The following ABCA9 variants were observed in gnomAD, a reference collection of about 807,000 sequenced individuals.
ABCA9 encodes ATP binding cassette subfamily A member 9.
ABCA9 carries 183 observed loss-of-function variants against 205.3 expected under a neutral mutation model. The ratio of observed to expected loss-of-function variants is 0.89; its 90% CI spans 0.79 to 1.01. The LOEUF (loss-of-function observed/expected upper bound fraction) is 1.01, where lower values mean the gene tolerates loss of function less well. Ranked by LOEUF, ABCA9 falls within the 50% of genes least tolerant of loss-of-function variation. ABCA9 has a pLI of 0.00. For synonymous variants in ABCA9, 651 were observed against 683.3 expected (o/e 0.95, Z 0.74); for missense variants, 1,805 against 1,912.4 (o/e 0.94, Z 1.05).
intron 37 of ABCA9, among the ~76,000 whole-genome samples, chr17:68,981,305 T>C (rs1162094634): frequency 6.6e-6 from 1 of 151,150 alleles, no homozygotes; most frequent in African/African-American, 2.4e-5. Flanking sequence ...TCAGCACAAA[T>C]AAATGTTAAG....
chr17:69,013,430 G>GTAGA (rs1461553059), intron 22 of ABCA9, among the ~76,000 whole-genome samples: 1 of 151,976 alleles, frequency 6.6e-6, no homozygotes, highest in Non-Finnish European at 1.5e-5. Context: ...ATGTGTTTGT[G>GTAGA]TAGATAAGGC....
chr17:69,072,967 A>G, the ABCA9 span, among the ~76,000 whole-genome samples: 1 of 152,238 alleles, frequency 6.6e-6, no homozygotes, highest in Non-Finnish European at 1.5e-5. Flanking sequence ...CTGATAAAAC[A>G]GACTTTAAAC....
chr17:69,072,680 A>G, the ABCA9 span, among the ~76,000 whole-genome samples: 1 of 152,116 alleles, frequency 6.6e-6, no homozygotes, highest in African/African-American at 2.4e-5. Context: ...CTATGAAGAA[A>G]CTGCATCAAC....
chr17:68,994,360 C>T (rs1427427341), intron 26 of ABCA9, among the ~76,000 whole-genome samples: 1 of 152,172 alleles, frequency 6.6e-6, no homozygotes, highest in Non-Finnish European at 1.5e-5. Context: ...AGAACTACTG[C>T]TCACATATTC....
rs75761046 is a variant in ABCA9, at chr17:69,057,672, G to A, written c.-14+3194C>T. Among the ~76,000 whole-genome samples the A allele has an allele frequency of 4.8e-3, 733 of 152,242 alleles. 5 individuals are homozygous for A. Among genetic ancestry groups the A allele is most frequent in the African/African-American group, 0.017 (706 of 41,532 alleles). On this transcript the variant is annotated intron_variant, in intron 1 of 38. Coordinates refer to ENST00000340001, the MANE Select transcript of ABCA9 (RefSeq NM_080283.4). The stretch of plus-strand genomic sequence containing the variant: ...TATGACAGTTTCAGTTTGGTAGTGC[G>A]GGTACAATGTAATTATTTATACTCT...
chr17:69,033,543 G>T, intron 9 of ABCA9, 183 bp downstream of exon 9: 1 of 442,372 alleles, frequency 2.3e-6, no homozygotes, highest in Non-Finnish European at 4.0e-6. Flanking sequence ...GAAACACTCT[G>T]GAGTGTTATA....
At chr17:68,989,162 C>T (rs1006860353) in intron 30 of ABCA9, 44 bp from the exon 31 acceptor site, 2 of 1,306,576 alleles carry the variant, frequency 1.5e-6, no homozygotes, top group Middle Eastern at 1.9e-4. Flanking sequence ...ATAATTGCAA[C>T]AAAAATAAAA....
intron 32 of ABCA9, among the ~76,000 whole-genome samples, chr17:68,985,665 A>AGTGGCTCACACCTGTAATCCCAG (rs1288289397): frequency 6.6e-6 from 1 of 152,158 alleles, no homozygotes. Context: ...GTCTGGGTGC[A>AGTGGCTCACACCTGTAATCCCAG]GTGGCTCACA....
chr17:69,010,518 C>T (rs1397788539), intron 23 of ABCA9, among the ~76,000 whole-genome samples: 1 of 151,988 alleles, frequency 6.6e-6, no homozygotes. Context: ...GGAGGGAGGG[C>T]TCTGCCAGAC....
chr17:69,027,549 TAGATGAGGAA>T, intron 13 of ABCA9, 81 bp downstream of exon 13: 1 of 1,558,300 alleles, frequency 6.4e-7, no homozygotes, highest in Non-Finnish European at 8.7e-7. Context: ...GCCTGAAATT[TAGATGAGGAA>T]TTATGTATAA....
chr17:69,017,061 CTT>C (rs959437286), intron 21 of ABCA9, among the ~76,000 whole-genome samples: 16 of 152,134 alleles, frequency 1.1e-4, no homozygotes, highest in African/African-American at 3.4e-4. Flanking sequence ...GAAAAATAAA[CTT>C]AAGATATAAT....
In ABCA9 at chr17:68,989,084, A is replaced by G; in HGVS notation, c.3990T>C (p.Ala1330=). 6.2e-7 allele frequency: 1 copy of G among 1,613,418 alleles called. No homozygotes were observed. The highest frequency in any genetic ancestry group is 8.5e-7 in the Non-Finnish European group (1 of 1,179,442). The change falls in exon 31 of 39, where the codon GCT becomes GCC. Residue 1330 remains alanine (A), a synonymous_variant. Coordinates refer to ENST00000340001, the MANE Select transcript of ABCA9 (RefSeq NM_080283.4). ...TCATCTTAATAGTTGTACTTTTACC[A>G]GCTCCATTGTGTCCTAACAGTCCTA... ...EVIGLLGHNG[A]GKSTTIKMIT...
chr17:68,996,125 C>T (rs2069616229), intron 25 of ABCA9, 111 bp from the exon 26 acceptor site: 1 of 1,111,844 alleles, frequency 9.0e-7, no homozygotes, highest in East Asian at 2.5e-5. Context: ...CAATTTCACT[C>T]CCCAAACCAG....
Position 69,023,643 on chromosome 17 carries a change from A to C in ABCA9, c.2281+571T>G, listed in dbSNP as rs2070890957. 6.6e-6 allele frequency among the ~76,000 whole-genome samples: 1 copy of C among 152,252 alleles called. No homozygotes were observed. The highest frequency in any genetic ancestry group is 1.5e-5 in the Non-Finnish European group (1 of 68,038). Reference sequence around the variant, plus strand: ...AGAAGCATTCTACCTCAAAACGCTTAGGAAGTGAAACAGTGCATTGGGAGA... The same window carrying C: ...AGAAGCATTCTACCTCAAAACGCTTCGGAAGTGAAACAGTGCATTGGGAGA... On this transcript the variant is annotated intron_variant, in intron 17 of 38. Coordinates refer to ENST00000340001, the MANE Select transcript of ABCA9 (RefSeq NM_080283.4). The surrounding 1 kb of genome is among the most constrained non-coding windows in gnomAD (Gnocchi z 4.2).
chr17:69,057,048 T>A (rs2072089992), intron 1 of ABCA9, among the ~76,000 whole-genome samples: 1 of 152,158 alleles, frequency 6.6e-6, no homozygotes, highest in South Asian at 2.1e-4. Context: ...ATAGGTTTGG[T>A]GTATTATAGA....
chr17:69,027,893 T>C (rs2071044913), intron 12 of ABCA9, 78 bp from the exon 13 acceptor site: 2 of 1,121,460 alleles, frequency 1.8e-6, no homozygotes, highest in Non-Finnish European at 2.6e-6. Flanking sequence ...TGGAAAACAC[T>C]GTATGTCAAT....
chr17:69,051,691 A>C (rs2071906257), intron 1 of ABCA9: 1 of 152,448 alleles, frequency 6.6e-6, no homozygotes. Flanking sequence ...AAAGATTACT[A>C]TGTAGGATTC....
In ABCA9 at chr17:68,992,432, G is replaced by T. The variant is rs1218578829; in HGVS notation, c.3625-166C>A. ...ATATTCTTTGAAACTGTCAAAGTTA[G>T]CCTCACTGCTATTCAGAGAGAGCCT... On this transcript the variant is annotated intron_variant, in intron 27 of 38. Transcript: ENST00000340001. 6.2e-6 allele frequency: 3 copies of T among 484,464 alleles called. No individual in the cohort carries two copies. The Admixed American group carries it at 1.1e-4, about 18-fold the overall frequency. The allele number at this position is 484,464 out of a possible 1,614,324, so 30.0% of individuals were successfully genotyped here. A position where few individuals can be genotyped will look rare whatever the true frequency, so the allele number is the denominator to read the frequency against.
chr17:68,994,653 G>T (rs2069558796), intron 26 of ABCA9, among the ~76,000 whole-genome samples: 1 of 152,134 alleles, frequency 6.6e-6, no homozygotes, highest in Non-Finnish European at 1.5e-5. Context: ...TCAGTCAGAA[G>T]AGAATCATCT....
Sources: gnomAD v4.1 joint callset for allele counts (sites outside exome capture counted in the v4.1 genomes callset) on GRCh38, gnomAD v4.1.1 for gene constraint, Gnocchi (gnomAD v3.1) non-coding constraint, MANE v1.5 for transcripts, NCBI Gene and HGNC (gene_info 2026-07-23, HGNC 2026-07-21) for gene names.